RXFP1: variants seen among roughly 807,000 people sequenced by gnomAD.
RXFP1 encodes relaxin family peptide receptor 1.
Under a neutral mutation model 89.8 loss-of-function variants are expected in RXFP1, and 73 were observed. That is an observed-to-expected ratio of 0.81 (90% CI 0.67 to 0.99). RXFP1 has a LOEUF of 0.99. Among genes scored for constraint, RXFP1 ranks in the 50% least tolerant of loss-of-function variants. The pLI, the probability that RXFP1 is intolerant of heterozygous loss-of-function variation, is 0.00. For synonymous variants in RXFP1, 277 were observed against 305.5 expected (o/e 0.91, Z 0.97); for missense variants, 793 against 895.5 (o/e 0.89, Z 1.46).
rs1421968838 is a variant in RXFP1 at position 158,593,501 on chromosome 4, T to C, written c.286+2T>C. 1.9e-6 allele frequency: 3 copies of C among 1,553,458 alleles called. No homozygotes were observed. Among genetic ancestry groups the C allele is most frequent in the Middle Eastern group, 1.7e-4 (1 of 5,930 alleles). ...TTGAGGCAGAAACACCTGAATGTTG[T>C]AAGTAATCAGAGCAGTTATTTTCTT... On this transcript the variant is annotated splice_donor_variant, in intron 3 of 17. Transcript: ENST00000307765. LOFTEE classifies it high-confidence loss of function.
At chr4:158,549,093 A>G (rs1279391217) in intron 1 of RXFP1, among the ~76,000 whole-genome samples, 8 of 151,744 alleles carry the variant, frequency 5.3e-5, no homozygotes, top group Non-Finnish European at 1.2e-4. Flanking sequence ...TACACCAATC[A>G]GACGTAGATT....
At chr4:158,587,242 T>G (rs1289346916) in intron 2 of RXFP1, among the ~76,000 whole-genome samples, 1 of 152,222 alleles carries the variant, frequency 6.6e-6, no homozygotes, top group East Asian at 1.9e-4. Context: ...CAGATATGCA[T>G]GAAGACTGTT....
intron 2 of RXFP1, among the ~76,000 whole-genome samples, chr4:158,573,528 A>C (rs1444930495): frequency 6.6e-6 from 1 of 152,058 alleles, no homozygotes; most frequent in Non-Finnish European, 1.5e-5. Flanking sequence ...AGCTATCATT[A>C]ATGTAAGTGT....
intron 1 of RXFP1, among the ~76,000 whole-genome samples, chr4:158,566,249 A>G (rs546520245): frequency 3.9e-5 from 6 of 152,354 alleles, no homozygotes; most frequent in African/African-American, 1.2e-4. Flanking sequence ...TAAAGTATTT[A>G]AGGGTGCTAG....
At position 158,652,032 on chromosome 4, in the gene RXFP1, A is replaced by G; in HGVS notation, c.2251A>G (p.Thr751Ala). 2 of 1,612,760 alleles carry G rather than the reference A, an allele frequency of 1.2e-6. No individual in the cohort carries two copies. The highest frequency in any genetic ancestry group is 1.7e-5 in the Admixed American group (1 of 59,952). Residue 751 changes from threonine (T) to alanine (A), a missense_variant, in exon 18 of 18, where the codon ACG (threonine) becomes GCG (alanine). Transcript: ENST00000307765. ...TGAAATGTCACTGATTTCTCAATCA[A>G]CGAGACTCAATTCCTATTCATGACT... ...PCEMSLISQSTRLNSYS is the reference protein window; with the variant it reads ...PCEMSLISQSARLNSYS
intron 11 of RXFP1, 142 bp from the exon 12 acceptor site, chr4:158,633,263 T>C: frequency 1.8e-6 from 1 of 570,378 alleles, no homozygotes; most frequent in Non-Finnish European, 3.1e-6. Context: ...TTGCTCCTTT[T>C]TTAAATTTTT....
At chr4:158,548,182 T>C (rs1387494451) in intron 1 of RXFP1, among the ~76,000 whole-genome samples, 2 of 152,270 alleles carry the variant, frequency 1.3e-5, no homozygotes, top group African/African-American at 4.8e-5. Context: ...TATTGTTGAA[T>C]TGATCCCTTT....
chr4:158,609,834 C>G (rs1476806152), intron 6 of RXFP1, among the ~76,000 whole-genome samples: 3 of 152,176 alleles, frequency 2.0e-5, no homozygotes, highest in Admixed American at 2.0e-4. Context: ...GCAAAATTTA[C>G]TAAACACTAT....
chr4:158,557,685 A>T (rs376933925), intron 1 of RXFP1, among the ~76,000 whole-genome samples: 8 of 152,344 alleles, frequency 5.3e-5, no homozygotes, highest in African/African-American at 1.9e-4. Context: ...TTTACACAAG[A>T]TGAGAATATT....
chr4:158,627,306 C>T lies in RXFP1; in HGVS notation c.827+415C>T, dbSNP rs149935734. ...AGGTCTTCCTTCAGTAAAAAAAAAT[C>T]CAACTCTCCTATTCACAGCTTATTT... On this transcript the variant is annotated intron_variant, in intron 10 of 17. Coordinates refer to ENST00000307765, the MANE Select transcript of RXFP1 (RefSeq NM_021634.4). Among the ~76,000 whole-genome samples the T allele has an allele frequency of 3.3e-3, 500 of 152,108 alleles. 9 individuals carry two copies. The highest frequency in any genetic ancestry group is 0.027 in the Admixed American group (416 of 15,266).
At chr4:158,569,345 G>A (rs903995871) in intron 1 of RXFP1, among the ~76,000 whole-genome samples, 1 of 152,206 alleles carries the variant, frequency 6.6e-6, no homozygotes, top group African/African-American at 2.4e-5. Flanking sequence ...TACTATAATG[G>A]TGGATACGTG....
chr4:158,548,905 T>C (rs948578502), intron 1 of RXFP1, among the ~76,000 whole-genome samples: 2 of 152,084 alleles, frequency 1.3e-5, no homozygotes, highest in African/African-American at 2.4e-5. Context: ...ATTTCAACTT[T>C]GGTGAATCTG....
At chr4:158,648,385 T>C (rs1771982488) in intron 16 of RXFP1, 114 bp from the exon 17 acceptor site, 1 of 673,760 alleles carries the variant, frequency 1.5e-6, no homozygotes, top group African/African-American at 1.8e-5. Context: ...ATAGTCTTTG[T>C]ATCTTTAGTA....
At chr4:158,552,987 C>G (rs1009553032) in intron 1 of RXFP1, among the ~76,000 whole-genome samples, 2 of 152,068 alleles carry the variant, frequency 1.3e-5, no homozygotes, top group South Asian at 2.1e-4. Context: ...GAGTTTGAGA[C>G]CAGCCTAGAC....
chr4:158,600,135 A>G (rs1761408463), intron 4 of RXFP1, among the ~76,000 whole-genome samples: 2 of 152,310 alleles, frequency 1.3e-5, no homozygotes, highest in East Asian at 1.9e-4. Flanking sequence ...TTTTAATCCA[A>G]TATTTTTGCT....
chr4:158,611,504 G>A (rs1763571803), intron 6 of RXFP1, among the ~76,000 whole-genome samples: 1 of 152,114 alleles, frequency 6.6e-6, no homozygotes, highest in Admixed American at 6.5e-5. Context: ...TCATGGTGAG[G>A]CCCCATTGAA....
chr4:158,538,219 A>G (rs540431977), intron 1 of RXFP1, among the ~76,000 whole-genome samples: 30 of 152,348 alleles, frequency 2.0e-4, no homozygotes, highest in Non-Finnish European at 3.8e-4. Context: ...AGAAGAGGAC[A>G]CATTAATGAT....
At chr4:158,535,582 ATTGCACT>A (rs1467177506) in intron 1 of RXFP1, among the ~76,000 whole-genome samples, 2 of 152,270 alleles carry the variant, frequency 1.3e-5, no homozygotes, top group African/African-American at 4.8e-5. Context: ...GGGCATGGCC[ATTGCACT>A]TGAGTCACTG....
intron 1 of RXFP1, among the ~76,000 whole-genome samples, chr4:158,554,400 A>G (rs990870138): frequency 1.6e-4 from 25 of 152,204 alleles, no homozygotes; most frequent in African/African-American, 5.8e-4. Flanking sequence ...ATTCCCAAAG[A>G]CGACCACTGC....
Sources: gnomAD v4.1 joint callset for allele counts (sites outside exome capture counted in the v4.1 genomes callset) on GRCh38, gnomAD v4.1.1 for gene constraint, MANE v1.5 for transcripts, NCBI Gene and HGNC (gene_info 2026-07-23, HGNC 2026-07-21) for gene names.